UBE2E2: variants seen among roughly 807,000 people sequenced by gnomAD.
UBE2E2 encodes the protein ubiquitin conjugating enzyme E2 E2, also known as ubiquitin-conjugating enzyme E2 E2.
A neutral mutation model predicts 24.7 loss-of-function variants in UBE2E2; 6 were observed. The observed-to-expected ratio is 0.24, with a 90% CI of 0.13 to 0.48. The LOEUF (loss-of-function observed/expected upper bound fraction) is 0.48. Among genes scored for constraint, UBE2E2 ranks in the 20% least tolerant of loss-of-function variants. The pLI, the probability that UBE2E2 is intolerant of heterozygous loss-of-function variation, is 0.99. For synonymous variants in UBE2E2, 104 were observed against 83.6 expected, an observed-to-expected ratio of 1.24 and a Z score of -1.33; for missense variants, 169 against 245.0, an observed-to-expected ratio of 0.69 and a Z score of 2.07.
At chr3:23,275,017 T>A (rs917091422) in intron 3 of UBE2E2, among the ~76,000 whole-genome samples, 1 of 152,232 alleles carries the variant, frequency 6.6e-6, no homozygotes, top group African/African-American at 2.4e-5. Context: ...AGGAAGTTGT[T>A]ATCAATGTCC....
At chr3:23,234,507 T>C (rs542402407) in intron 3 of UBE2E2, among the ~76,000 whole-genome samples, 2 of 152,264 alleles carry the variant, frequency 1.3e-5, no homozygotes, top group East Asian at 1.9e-4. Context: ...ATTTAGAAAA[T>C]AGAGCCTGCA....
chr3:23,345,630 T>C (rs1205961892), intron 3 of UBE2E2, among the ~76,000 whole-genome samples: 1 of 152,044 alleles, frequency 6.6e-6, no homozygotes, highest in African/African-American at 2.4e-5. Flanking sequence ...ATAGGAAGAG[T>C]AAGTCACTGA....
intron 2 of UBE2E2, among the ~76,000 whole-genome samples, chr3:23,210,450 C>T (rs767950465): frequency 6.6e-6 from 1 of 152,150 alleles, no homozygotes; most frequent in Non-Finnish European, 1.5e-5. Context: ...AATCATATTT[C>T]TTGGGTGATA....
Position 23,474,280 on chromosome 3 carries a change from G to A in UBE2E2, c.228-25328G>A, listed in dbSNP as rs891808333. Reference sequence around the variant, plus strand: ...TTGTTTAAGTACCTTGTAGATTCTGGATATTAGTCCTTTGTCAGATGTATA... The same window carrying A: ...TTGTTTAAGTACCTTGTAGATTCTGAATATTAGTCCTTTGTCAGATGTATA... On this transcript the variant is annotated intron_variant, in intron 3 of 5. Coordinates refer to ENST00000396703, the MANE Select transcript of UBE2E2 (RefSeq NM_152653.4). The surrounding 1 kb of genome is among the most constrained non-coding windows in gnomAD (Gnocchi z 4.0). Among the ~76,000 whole-genome samples, 10 of 151,980 alleles carry A rather than the reference G, an allele frequency of 6.6e-5. No individual in the cohort carries two copies. Among genetic ancestry groups the A allele is most frequent in the Admixed American group, 3.3e-4 (5 of 15,266 alleles).
At chr3:23,534,321 G>A in intron 5 of UBE2E2, 1 of 853,524 alleles carries the variant, frequency 1.2e-6, no homozygotes, top group Non-Finnish European at 1.4e-6. Flanking sequence ...CTTCTGTTCA[G>A]TGAACTAGTT....
intron 3 of UBE2E2, among the ~76,000 whole-genome samples, chr3:23,270,362 G>A (rs112975367): frequency 0.042 from 6,376 of 152,098 alleles, 466 homozygotes; most frequent in African/African-American, 0.14. Context: ...CAAAGGGCTT[G>A]GCTGATCTTG....
chr3:23,386,308 G>T (rs1696803346), intron 3 of UBE2E2, among the ~76,000 whole-genome samples: 1 of 152,112 alleles, frequency 6.6e-6, no homozygotes, highest in African/African-American at 2.4e-5. Flanking sequence ...CTCCTCACAG[G>T]GTGGAAGGGG....
chr3:23,356,080 G>T (rs1402728562), intron 3 of UBE2E2, among the ~76,000 whole-genome samples: 1 of 152,198 alleles, frequency 6.6e-6, no homozygotes, highest in East Asian at 1.9e-4. Context: ...AGAAGAGGAT[G>T]CACTGAGTAG....
chr3:23,349,788 C>G (rs1695679221), intron 3 of UBE2E2, among the ~76,000 whole-genome samples: 2 of 152,242 alleles, frequency 1.3e-5, no homozygotes, highest in South Asian at 4.1e-4. Context: ...CCTCTGTAGG[C>G]TCCACCCCTG....
chr3:23,387,474 A>G (rs1158169665), intron 3 of UBE2E2, among the ~76,000 whole-genome samples: 3 of 152,258 alleles, frequency 2.0e-5, no homozygotes, highest in Non-Finnish European at 4.4e-5. Context: ...TTTTTTATCT[A>G]TAGGACACAG....
rs780069625 is a variant in UBE2E2, at chr3:23,217,307, C to T, written c.222C>T (p.Asn74=). 6.2e-7 allele frequency: 1 copy of T among 1,612,696 alleles called. No individual in the cohort carries two copies. Among genetic ancestry groups the T allele is most frequent in the Non-Finnish European group, 8.5e-7 (1 of 1,179,036 alleles). Residue 74 remains asparagine (N), a synonymous_variant, in exon 3 of 6, where the codon AAC becomes AAT. Transcript: ENST00000396703. ...LAEITLDPPP[N]CSAGPKGDNI... Reference sequence around the variant, plus strand: ...AAATCACATTGGACCCTCCTCCCAACTGTAGGTAAGTACTCATGGTTTTTT... The same window carrying T: ...AAATCACATTGGACCCTCCTCCCAATTGTAGGTAAGTACTCATGGTTTTTT...
intron 3 of UBE2E2, among the ~76,000 whole-genome samples, chr3:23,296,770 C>G (rs543112410): frequency 6.6e-6 from 1 of 152,272 alleles, no homozygotes; most frequent in Admixed American, 6.5e-5. Context: ...AATAAACATA[C>G]GTATGCATGT....
At chr3:23,386,360 C>T (rs1405710153) in intron 3 of UBE2E2, among the ~76,000 whole-genome samples, 2 of 152,088 alleles carry the variant, frequency 1.3e-5, no homozygotes, top group African/African-American at 4.8e-5. Context: ...GGATCCTGAC[C>T]TCATTACCTC....
At chr3:23,312,654 T>A (rs1436310963) in intron 3 of UBE2E2, among the ~76,000 whole-genome samples, 1 of 152,168 alleles carries the variant, frequency 6.6e-6, no homozygotes, top group Non-Finnish European at 1.5e-5. Flanking sequence ...TTATAATTTC[T>A]TCTACTAAAT....
At chr3:23,309,414 G>A (rs1699318132) in intron 3 of UBE2E2, among the ~76,000 whole-genome samples, 1 of 152,108 alleles carries the variant, frequency 6.6e-6, no homozygotes, top group Admixed American at 6.6e-5. Context: ...TCATTCATTG[G>A]CAACTACATC....
intron 3 of UBE2E2, among the ~76,000 whole-genome samples, chr3:23,244,915 A>G (rs1697354360): frequency 6.6e-6 from 1 of 152,178 alleles, no homozygotes; most frequent in Non-Finnish European, 1.5e-5. Context: ...AATTGCAATG[A>G]TTTATTTAAT....
At chr3:23,255,448 A>G (rs1697695666) in intron 3 of UBE2E2, among the ~76,000 whole-genome samples, 1 of 152,140 alleles carries the variant, frequency 6.6e-6, no homozygotes. Flanking sequence ...AAAATAACGC[A>G]GTGTAGAAGA....
At chr3:23,537,757 A>C (rs1057343147) in intron 5 of UBE2E2, among the ~76,000 whole-genome samples, 4 of 152,146 alleles carry the variant, frequency 2.6e-5, no homozygotes, top group Non-Finnish European at 5.9e-5. Context: ...GATTGTTATT[A>C]ATTGCTTATC....
At chr3:23,386,824 C>T (rs1696814613) in intron 3 of UBE2E2, among the ~76,000 whole-genome samples, 1 of 152,096 alleles carries the variant, frequency 6.6e-6, no homozygotes, top group Non-Finnish European at 1.5e-5. Context: ...ATACATATGG[C>T]TTATATTTTA....
Sources: gnomAD v4.1 joint callset for allele counts (sites outside exome capture counted in the v4.1 genomes callset) on GRCh38, gnomAD v4.1.1 for gene constraint, Gnocchi (gnomAD v3.1) non-coding constraint, MANE v1.5 for transcripts, NCBI Gene and HGNC (gene_info 2026-07-23, HGNC 2026-07-21) for gene names.